Variants in RB1 observed in about 807,000 individuals in gnomAD.
The protein encoded by RB1 is RB transcriptional corepressor 1.
A neutral mutation model predicts 135.4 loss-of-function variants in RB1; 18 were observed. That is an observed-to-expected ratio of 0.13 (90% CI 0.09 to 0.20). The LOEUF is 0.20. Ranked by LOEUF, RB1 falls within the 10% of genes least tolerant of loss-of-function variation. The probability of loss-of-function intolerance (pLI) is 1.00; values close to 1 mark genes in which losing one functional copy is unlikely to be tolerated. For synonymous variants in RB1, 365 were observed against 373.2 expected (o/e 0.98, Z 0.25); for missense variants, 868 against 1,110.0 (o/e 0.78, Z 3.10).
intron 1 of RB1, among the ~76,000 whole-genome samples, chr13:48,304,437 C>T (rs987376813): frequency 2.0e-5 from 3 of 152,074 alleles, no homozygotes; most frequent in Admixed American, 1.3e-4. Context: ...TGGAGTACTC[C>T]GGTGGTCGTC....
At position 48,396,646 on chromosome 13, in the gene RB1, T is replaced by C. The variant is rs1478728505; in HGVS notation, c.1695+15203T>C. The stretch of plus-strand genomic sequence containing the variant: ...GGCAACAAAAGCCAAAATTGACGAA[T>C]GGGATCTAATTAAACTAAAGAGCTT... On this transcript the variant is annotated intron_variant, in intron 17 of 26. Coordinates refer to ENST00000267163, the MANE Select transcript of RB1 (RefSeq NM_000321.3). Among the ~76,000 whole-genome samples the C allele has an allele frequency of 2.6e-5, 4 of 152,092 alleles. No homozygotes were observed. The East Asian group carries it at 5.8e-4, about 22-fold the overall frequency.
In RB1 at chr13:48,373,333, G is replaced by T. The variant is rs185587; in HGVS notation, c.1128-72G>T. ...TGAAGATACATTTAACTTGGGAGAT[G>T]GAAAACATTTCATTTTTTCTTTTTT... is the stretch of plus-strand genomic sequence containing the variant. On this transcript the variant is annotated intron_variant, in intron 11 of 26. Coordinates refer to ENST00000267163, the MANE Select transcript of RB1 (RefSeq NM_000321.3). The T allele has an allele frequency of 0.96, 896,648 of 931,782 alleles. 432,342 individuals carry two copies. Among genetic ancestry groups the T allele is most frequent in the East Asian group, 1 (41,142 of 41,208 alleles). 57.7% of individuals were successfully genotyped at this position (931,782 alleles called of 1,614,324 possible). A position where few individuals can be genotyped will look rare whatever the true frequency, so the allele number is the denominator to read the frequency against.
intron 6 of RB1, among the ~76,000 whole-genome samples, chr13:48,359,815 C>A (rs1952622388): frequency 1.3e-5 from 2 of 150,362 alleles, no homozygotes; most frequent in Non-Finnish European, 3.0e-5. Flanking sequence ...AATTCCATAA[C>A]TTTACATATT....
At chr13:48,372,918 T>C (rs887269615) in intron 11 of RB1, among the ~76,000 whole-genome samples, 6 of 152,164 alleles carry the variant, frequency 3.9e-5, no homozygotes, top group African/African-American at 1.4e-4. Flanking sequence ...ATTGACCTAA[T>C]TTTATGCTGT....
intron 7 of RB1, among the ~76,000 whole-genome samples, chr13:48,362,389 G>T (rs1952651903): frequency 1.3e-5 from 2 of 151,638 alleles, no homozygotes; most frequent in African/African-American, 4.8e-5. Flanking sequence ...ATCTTTTAAA[G>T]ACATCATAAT....
In RB1 at chr13:48,446,446, C is replaced by G. The variant is rs150521975; in HGVS notation, c.1696-6547C>G. 7.8e-4 allele frequency among the ~76,000 whole-genome samples: 118 copies of G among 152,252 alleles called. 1 individual carries two copies. The highest frequency in any genetic ancestry group is 2.8e-3 in the African/African-American group (117 of 41,542). On this transcript the variant is annotated intron_variant, in intron 17 of 26. Transcript: ENST00000267163. The stretch of plus-strand genomic sequence containing the variant: ...ATAAGATAGACAAAGCCCAAGCCTT[C>G]CTGCATCTTGCTTGCTAGTAGCGAG...
chr13:48,362,693 C>A, intron 7 of RB1, 122 bp from the exon 8 acceptor site: 1 of 1,040,604 alleles, frequency 9.6e-7, no homozygotes, highest in Non-Finnish European at 1.4e-6. Flanking sequence ...CTAATGAAAC[C>A]TAATAAGTAA....
At chr13:48,456,759 G>A (rs1219825464) in intron 19 of RB1, among the ~76,000 whole-genome samples, 3 of 152,220 alleles carry the variant, frequency 2.0e-5, no homozygotes, top group African/African-American at 7.2e-5. Flanking sequence ...CTGCTGCAGC[G>A]GGGCGGGCAG....
intron 2 of RB1, among the ~76,000 whole-genome samples, chr13:48,315,598 C>T (rs1952174833): frequency 1.3e-5 from 2 of 152,134 alleles, no homozygotes; most frequent in Non-Finnish European, 2.9e-5. Flanking sequence ...TTATTTTGTT[C>T]TGCCTTTCAA....
At position 48,330,465 on chromosome 13, in the gene RB1, A is replaced by C. The variant is rs187538403; in HGVS notation, c.265-12134A>C. Among the ~76,000 whole-genome samples the C allele has an allele frequency of 9.3e-4, 141 of 152,274 alleles. 1 individual carries two copies. The highest frequency in any genetic ancestry group is 2.9e-4 in the Non-Finnish European group (20 of 68,002). On this transcript the variant is annotated intron_variant, in intron 2 of 26. Transcript: ENST00000267163. Reference sequence around the variant, plus strand: ...GAAGATTCAAATAAATAAAATCAGGAATGAAAGAGGAGACATTATGACTGA... The same window carrying C: ...GAAGATTCAAATAAATAAAATCAGGCATGAAAGAGGAGACATTATGACTGA...
intron 2 of RB1, among the ~76,000 whole-genome samples, chr13:48,334,311 C>T (rs1299173446): frequency 1.3e-5 from 2 of 152,202 alleles, no homozygotes; most frequent in African/African-American, 4.8e-5. Flanking sequence ...GTCCTTAACA[C>T]TAGACTGCTG....
rs532220050 is a variant in RB1 at position 48,318,145 on chromosome 13, C to A, written c.264+10739C>A. The A allele has an allele frequency of 7.7e-4, 398 of 516,364 alleles. 3 individuals are homozygous for A. The South Asian group carries it at 8.3e-3, about 11-fold the overall frequency. The allele number at this position is 516,364 out of a possible 1,614,324, so 32.0% of individuals were successfully genotyped here. A position where few individuals can be genotyped will look rare whatever the true frequency, so the allele number is the denominator to read the frequency against. On this transcript the variant is annotated intron_variant, in intron 2 of 26. Coordinates refer to ENST00000267163, the MANE Select transcript of RB1 (RefSeq NM_000321.3). Reference sequence around the variant, plus strand: ...GCCGTGTCCTGGCTCCTGACGCCCTCCTGCTTCGTCTTCTCTGCCATACTG... The same window carrying A: ...GCCGTGTCCTGGCTCCTGACGCCCTACTGCTTCGTCTTCTCTGCCATACTG...
chr13:48,320,214 C>T (rs1952222269), intron 2 of RB1: 23 of 1,023,388 alleles, frequency 2.2e-5, no homozygotes, highest in Middle Eastern at 3.3e-4. Flanking sequence ...CGGGCTGCTC[C>T]TTGTGCACGG....
At position 48,303,983 on chromosome 13, in the gene RB1, C is replaced by G; in HGVS notation, c.71C>G (p.Pro24Arg). The change falls in exon 1 of 27, where the codon CCG (proline) becomes CGG (arginine). Residue 24 changes from proline (P) to arginine (R), a missense_variant. By Grantham distance (103) the Pro-to-Arg change is moderately radical. Around this residue, in one of 3 missense-constraint regions of RB1, gnomAD observed 641 missense variants for 791.3 expected, o/e 0.81. Transcript: ENST00000267163. Reference sequence around the variant, plus strand: ...GCCGCCGCGGAACCCCCGGCACCGCCGCCGCCGCCCCCTCCTGAGGAGGAC... The same window carrying G: ...GCCGCCGCGGAACCCCCGGCACCGCGGCCGCCGCCCCCTCCTGAGGAGGAC... ...AAAAAEPPAPPPPPPPEEDPE... is the reference protein window; with the variant it reads ...AAAAAEPPAPRPPPPPEEDPE... 3 of 1,499,310 alleles carry G rather than the reference C, an allele frequency of 2.0e-6. No homozygotes were observed. The highest frequency in any genetic ancestry group is 2.6e-6 in the Non-Finnish European group (3 of 1,132,288). The allele number at this position is 1,499,310 out of a possible 1,614,324, so 92.9% of individuals were successfully genotyped here. A position where few individuals can be genotyped will look rare whatever the true frequency, so the allele number is the denominator to read the frequency against.
chr13:48,317,018 C>A (rs887641103), intron 2 of RB1: 1 of 572,874 alleles, frequency 1.7e-6, no homozygotes, highest in Non-Finnish European at 2.9e-6. Context: ...TGCTTTCCTC[C>A]GAGCCCGAGT....
Position 48,480,432 on chromosome 13 carries a change from A to C in RB1, c.*361A>C. The C allele has an allele frequency of 3.6e-6, 1 of 280,610 alleles. No individual in the cohort carries two copies. The highest frequency in any genetic ancestry group is 6.8e-6 in the Non-Finnish European group (1 of 146,782). The allele number at this position is 280,610 out of a possible 1,614,324, so 17.4% of individuals were successfully genotyped here. On this transcript the variant is annotated 3_prime_UTR_variant, in exon 27 of 27. Transcript: ENST00000267163. ...ACTACTTTGCCTTCTTTTGTAGCAT[A>C]TAGGTGATGTTTGCTCTTGTTTTTA...
chr13:48,476,509 G>T, intron 24 of RB1, 192 bp from the exon 25 acceptor site: 1 of 558,678 alleles, frequency 1.8e-6, no homozygotes, highest in Non-Finnish European at 3.1e-6. Flanking sequence ...GTGTTTAATT[G>T]GGGATGGAAT....
At chr13:48,318,586 C>T (rs948874467) in intron 2 of RB1, 1 of 635,804 alleles carries the variant, frequency 1.6e-6, no homozygotes, top group African/African-American at 1.8e-5. Flanking sequence ...AGGTCCCGCC[C>T]CTCATGGCCG....
At chr13:48,318,885 C>T (rs1049739834) in intron 2 of RB1, 25 of 1,136,920 alleles carry the variant, frequency 2.2e-5, no homozygotes, top group African/African-American at 3.0e-5. Context: ...ATTTCCTGAT[C>T]GATGCTGTCG....
Sources: allele counts gnomAD v4.1 joint callset (sites outside exome capture counted in the v4.1 genomes callset), GRCh38; gene constraint gnomAD v4.1.1; regional missense constraint gnomAD v4.1.1; transcripts MANE v1.5; gene names NCBI Gene and HGNC (gene_info 2026-07-23, HGNC 2026-07-21).